The following KIF21A variants were observed in gnomAD, a reference collection of about 807,000 sequenced individuals.
The protein encoded by KIF21A is kinesin family member 21A, also known as kinesin-like protein KIF21A.
In KIF21A, 114 loss-of-function variants were observed where a neutral mutation model predicts 202.9. That is an observed-to-expected ratio of 0.56 (90% confidence interval 0.48 to 0.66). The LOEUF (loss-of-function observed/expected upper bound fraction) is 0.66. Ranked by LOEUF, KIF21A falls within the 30% of genes least tolerant of loss-of-function variation. The pLI is 0.00. For missense variants in KIF21A, 1,677 were observed against 1,994.9 expected, an observed-to-expected ratio of 0.84 and a Z score of 3.04; for synonymous variants, 667 against 670.8, an observed-to-expected ratio of 0.99 and a Z score of 0.09.
At chr12:39,361,802 G>A (rs906616545) in intron 7 of KIF21A, among the ~76,000 whole-genome samples, 3 of 152,036 alleles carry the variant, frequency 2.0e-5, no homozygotes, top group South Asian at 2.1e-4. Flanking sequence ...CACTGCGCCC[G>A]GCCAAAACAG....
intron 7 of KIF21A, among the ~76,000 whole-genome samples, chr12:39,361,557 T>A (rs1248566222): frequency 1.6e-4 from 22 of 136,888 alleles, no homozygotes; most frequent in African/African-American, 6.2e-4. Context: ...AGTCTCGCTC[T>A]GTCTCCCAGG....
intron 28 of KIF21A, among the ~76,000 whole-genome samples, chr12:39,319,705 A>G (rs1944990624): frequency 1.3e-5 from 2 of 152,180 alleles, no homozygotes; most frequent in African/African-American, 2.4e-5. Flanking sequence ...AAGTGCTCAA[A>G]TATCTTTACA....
At chr12:39,440,316 G>C (rs1939382620) in intron 1 of KIF21A, among the ~76,000 whole-genome samples, 1 of 152,158 alleles carries the variant, frequency 6.6e-6, no homozygotes, top group African/African-American at 2.4e-5. Context: ...TTAAGAACTT[G>C]GGCTACTGAG....
intron 1 of KIF21A, among the ~76,000 whole-genome samples, chr12:39,399,958 G>T (rs1292589192): frequency 6.6e-6 from 1 of 152,000 alleles, no homozygotes; most frequent in Non-Finnish European, 1.5e-5. Context: ...GAAAGAAGGG[G>T]GATAAATTGC....
chr12:39,302,537 C>T (rs1485889393), intron 36 of KIF21A, among the ~76,000 whole-genome samples: 1 of 152,164 alleles, frequency 6.6e-6, no homozygotes, highest in Non-Finnish European at 1.5e-5. Flanking sequence ...AATGAGAGAA[C>T]CACCACTCTT....
Position 39,326,292 on chromosome 12 carries a change from G to A in KIF21A, c.3373C>T (p.Pro1125Ser), listed in dbSNP as rs187723045. Reference protein sequence around the residue: ...NVEDSTDEDAPLNSPGSEGST... With the variant: ...NVEDSTDEDASLNSPGSEGST... ...CCTTCTGATCCTGGGCTGTTTAAAG[G>A]AGCATCCTCATCAGTACTATCCTCT... is the stretch of plus-strand genomic sequence containing the variant. The change falls in exon 25 of 38, where the codon CCT (proline) becomes TCT (serine). Residue 1125 changes from proline (P) to serine (S), a missense_variant. Coordinates refer to ENST00000361418, the MANE Select transcript of KIF21A (RefSeq NM_001173464.2). The A allele has an allele frequency of 5.6e-6, 9 of 1,612,042 alleles. No homozygotes were observed. The highest frequency in any genetic ancestry group is 7.6e-6 in the Non-Finnish European group (9 of 1,178,562).
At chr12:39,401,051 G>A (rs1317978671) in intron 1 of KIF21A, among the ~76,000 whole-genome samples, 1 of 152,064 alleles carries the variant, frequency 6.6e-6, no homozygotes, top group African/African-American at 2.4e-5. Flanking sequence ...AAAACCCCAC[G>A]CTTGACACTT....
chr12:39,327,089 T>G (rs1592164029), intron 24 of KIF21A, among the ~76,000 whole-genome samples: 1 of 152,218 alleles, frequency 6.6e-6, no homozygotes, highest in African/African-American at 2.4e-5. Flanking sequence ...TAGGTGTAGG[T>G]TTTTTTAATG....
intron 1 of KIF21A, among the ~76,000 whole-genome samples, chr12:39,397,454 T>A (rs1158272643): frequency 2.0e-5 from 3 of 151,324 alleles, no homozygotes; most frequent in African/African-American, 7.3e-5. Flanking sequence ...TAGAGCTGAT[T>A]CACCTTAACC....
At chr12:39,342,500 C>T (rs1029946396) in intron 12 of KIF21A, among the ~76,000 whole-genome samples, 1 of 152,066 alleles carries the variant, frequency 6.6e-6, no homozygotes, top group Non-Finnish European at 1.5e-5. Context: ...TACAAAAAAA[C>T]TTCTCTCATA....
chr12:39,352,575 T>C (rs1315990632), intron 10 of KIF21A, among the ~76,000 whole-genome samples: 4 of 152,138 alleles, frequency 2.6e-5, no homozygotes, highest in South Asian at 4.1e-4. Flanking sequence ...AAACCTATTA[T>C]TTAAACTTAA....
At chr12:39,330,125 CA>C (rs1294151971) in intron 24 of KIF21A, 116 bp downstream of exon 24, 13 of 952,088 alleles carry the variant, frequency 1.4e-5, no homozygotes, top group Non-Finnish European at 2.0e-5. Context: ...AAAGATCATG[CA>C]AAAACCACTT....
At chr12:39,294,889 C>T (rs1591983449) in intron 37 of KIF21A, among the ~76,000 whole-genome samples, 1 of 152,266 alleles carries the variant, frequency 6.6e-6, no homozygotes, top group East Asian at 1.9e-4. Context: ...GGCTCCGAGC[C>T]CTATCTCTTT....
In KIF21A at chr12:39,423,303, T is replaced by C. The variant is rs548683783; in HGVS notation, c.44+19624A>G. Among the ~76,000 whole-genome samples, 53 of 151,242 alleles carry C rather than the reference T, an allele frequency of 3.5e-4. No homozygotes were observed. The South Asian group carries it at 0.011, about 31-fold the overall frequency. On this transcript the variant is annotated intron_variant, in intron 1 of 37. Coordinates refer to ENST00000361418, the MANE Select transcript of KIF21A (RefSeq NM_001173464.2). The stretch of plus-strand genomic sequence containing the variant: ...AATGTAGTTTCCAGTATCTCTCTTC[T>C]TTTTTTTTCCTCCAAAGATCCCATA...
chr12:39,366,476 C>T lies in KIF21A; in HGVS notation c.777G>A (p.Gln259=). 6.2e-7 allele frequency: 1 copy of T among 1,612,874 alleles called. No homozygotes were observed. Among genetic ancestry groups the T allele is most frequent in the Non-Finnish European group, 8.5e-7 (1 of 1,178,920 alleles). ...CAGTCAGGGTTTCAAATTCATTCAT[C>T]TGTGCTGATTCAGAAATAATTTTAT... ...TDNKIISESA[Q]MNEFETLTAK... Residue 259 remains glutamine, a synonymous_variant, in exon 6 of 38, where the codon CAG becomes CAA. Coordinates refer to ENST00000361418, the MANE Select transcript of KIF21A (RefSeq NM_001173464.2).
chr12:39,423,223 A>AT (rs1954448709), intron 1 of KIF21A, among the ~76,000 whole-genome samples: 1 of 151,920 alleles, frequency 6.6e-6, no homozygotes, highest in Non-Finnish European at 1.5e-5. Context: ...AAGTAAGGCT[A>AT]TTTTTTCTTC....
rs765856120 is a variant in KIF21A, at chr12:39,341,540, C to A, written c.1886G>T (p.Ser629Ile). The change falls in exon 14 of 38, where the codon AGT (serine) becomes ATT (isoleucine). Residue 629 changes from serine to isoleucine, a missense_variant. By Grantham distance (142) the Ser-to-Ile change is moderately radical (BLOSUM62 -2). Coordinates refer to ENST00000361418, the MANE Select transcript of KIF21A (RefSeq NM_001173464.2). ...TGATTCAGAATCTGATTCATCAGAA[C>A]TTTCACCCCCATCAATGTCATCTTC... ...EEEDDIDGGE[S>I]SDESDSESDE... 1.1e-4 allele frequency: 179 copies of A among 1,613,136 alleles called. No individual in the cohort carries two copies. In the East Asian group the frequency reaches 3.9e-3, roughly 36 times the overall value.
chr12:39,295,730 C>T (rs1473204068), intron 37 of KIF21A, among the ~76,000 whole-genome samples: 1 of 117,742 alleles, frequency 8.5e-6, no homozygotes, highest in East Asian at 2.8e-4. Flanking sequence ...GACAGAATCT[C>T]GCTCTGTTGC....
rs747977668 is a variant in KIF21A at position 39,332,959 on chromosome 12, T to C, written c.2636A>G (p.Gln879Arg). The C allele has an allele frequency of 1.2e-6, 2 of 1,614,220 alleles. No homozygotes were observed. The highest frequency in any genetic ancestry group is 4.5e-5 in the East Asian group (2 of 44,886). ...CGCCACAGGAATTCTCATTTTCTGC[T>C]GGGCTCCTGTCCTTGATGCATCTGT... Reference protein sequence around the residue: ...VETDASRTGAQQKMRIPVARV... With the variant: ...VETDASRTGARQKMRIPVARV... The change falls in exon 19 of 38, where the codon CAG becomes CGG. Residue 879 changes from glutamine to arginine, a missense_variant. Gln to Arg is a conservative substitution (Grantham distance 43). Coordinates refer to ENST00000361418, the MANE Select transcript of KIF21A (RefSeq NM_001173464.2).
Sources: allele counts gnomAD v4.1 joint callset (sites outside exome capture counted in the v4.1 genomes callset), GRCh38; gene constraint gnomAD v4.1.1; transcripts MANE v1.5; gene names NCBI Gene and HGNC (gene_info 2026-07-23, HGNC 2026-07-21).